The following MAGI2 variants were observed in gnomAD, a reference collection of about 807,000 sequenced individuals.
MAGI2 encodes the protein membrane associated guanylate kinase, WW and PDZ domain containing 2, also known as membrane-associated guanylate kinase, WW and PDZ domain-containing protein 2.
Under a neutral mutation model 133.3 loss-of-function variants are expected in MAGI2, and 35 were observed. That is an observed-to-expected ratio of 0.26 (90% confidence interval 0.20 to 0.35). MAGI2 has a LOEUF of 0.35. Ranked by LOEUF, MAGI2 falls within the 10% of genes least tolerant of loss-of-function variation. The pLI, the probability that MAGI2 is intolerant of heterozygous loss-of-function variation, is 1.00. For missense variants in MAGI2, 1,636 were observed against 1,863.4 expected, an observed-to-expected ratio of 0.88 and a Z score of 2.25; for synonymous variants, 729 against 710.6, an observed-to-expected ratio of 1.03 and a Z score of -0.41.
chr7:78,254,948 T>G (rs1037960135), intron 10 of MAGI2: 3 of 152,262 alleles, frequency 2.0e-5, no homozygotes, highest in African/African-American at 4.8e-5. Context: ...GGTAGTAGTA[T>G]TATCCCATTG....
chr7:78,354,321 C>T (rs1436915831), intron 7 of MAGI2, among the ~76,000 whole-genome samples: 1 of 152,150 alleles, frequency 6.6e-6, no homozygotes, highest in Admixed American at 6.5e-5. Context: ...CTTAATTGAA[C>T]TCCAAAAATA....
intron 2 of MAGI2, among the ~76,000 whole-genome samples, chr7:78,723,080 T>C (rs956105167): frequency 1.3e-5 from 2 of 152,176 alleles, no homozygotes; most frequent in African/African-American, 2.4e-5. Context: ...TATTAAGTTG[T>C]CTGTTAAGCA....
intron 1 of MAGI2, among the ~76,000 whole-genome samples, chr7:79,099,550 T>C (rs1376601452): frequency 2.6e-5 from 4 of 152,212 alleles, no homozygotes; most frequent in Non-Finnish European, 4.4e-5. Flanking sequence ...TCATAAGGGA[T>C]GGATGTACAG....
At chr7:79,035,191 T>A (rs1197343095) in intron 1 of MAGI2, among the ~76,000 whole-genome samples, 5 of 52,694 alleles carry the variant, frequency 9.5e-5, no homozygotes, top group African/African-American at 1.6e-4. Flanking sequence ...CAAAAAAAAG[T>A]GTGTGTGTGT....
At chr7:79,060,490 AG>A (rs1813626445) in intron 1 of MAGI2, among the ~76,000 whole-genome samples, 1 of 152,116 alleles carries the variant, frequency 6.6e-6, no homozygotes, top group Admixed American at 6.6e-5. Flanking sequence ...AAGATACATG[AG>A]GGGTTGATGG....
chr7:79,394,205 T>C (rs1424496369), intron 1 of MAGI2, among the ~76,000 whole-genome samples: 1 of 152,164 alleles, frequency 6.6e-6, no homozygotes, highest in Non-Finnish European at 1.5e-5. Flanking sequence ...CTGACATGTC[T>C]TGGGCAACTG....
intron 2 of MAGI2, among the ~76,000 whole-genome samples, chr7:78,890,820 A>G (rs1796681926): frequency 6.6e-6 from 1 of 152,152 alleles, no homozygotes; most frequent in Admixed American, 6.5e-5. Flanking sequence ...TAAAAGAACT[A>G]GAGAAGCAAG....
intron 3 of MAGI2, among the ~76,000 whole-genome samples, chr7:78,554,377 A>G (rs962910861): frequency 6.6e-6 from 1 of 152,200 alleles, no homozygotes; most frequent in African/African-American, 2.4e-5. Context: ...TGAACCTTAC[A>G]TAAATCTGAA....
At chr7:78,592,193 A>G (rs1804077179) in intron 3 of MAGI2, among the ~76,000 whole-genome samples, 1 of 152,242 alleles carries the variant, frequency 6.6e-6, no homozygotes, top group Admixed American at 6.5e-5. Flanking sequence ...CACATCTTCA[A>G]ATGGAGAGAT....
At chr7:79,376,804 A>G (rs1383213058) in intron 1 of MAGI2, among the ~76,000 whole-genome samples, 1 of 146,000 alleles carries the variant, frequency 6.8e-6, no homozygotes, top group Non-Finnish European at 1.5e-5. Context: ...GAAACCACAG[A>G]TAAGAGAGGA....
At chr7:78,885,628 A>AGTGTGTGTGTGTGTGTGTGT (rs61111430) in intron 2 of MAGI2, among the ~76,000 whole-genome samples, 336 of 148,962 alleles carry the variant, frequency 2.3e-3, no homozygotes, top group Non-Finnish European at 3.2e-3. Context: ...TGAAAGGAAT[A>AGTGTGTGTGTGTGTGTGTGT]GTGTGTGTGT....
At chr7:79,130,449 A>G (rs939763062) in intron 1 of MAGI2, among the ~76,000 whole-genome samples, 2 of 152,174 alleles carry the variant, frequency 1.3e-5, no homozygotes, top group Admixed American at 6.5e-5. Context: ...TGCAGGTGCA[A>G]TGCTGCCGCA....
At chr7:78,851,581 C>T (rs756913341) in intron 2 of MAGI2, among the ~76,000 whole-genome samples, 1 of 151,998 alleles carries the variant, frequency 6.6e-6, no homozygotes, top group Non-Finnish European at 1.5e-5. Flanking sequence ...TTCTATATGC[C>T]CTTGCTTTTT....
At chr7:78,067,369 G>A (rs1813944707) in intron 21 of MAGI2, among the ~76,000 whole-genome samples, 1 of 152,192 alleles carries the variant, frequency 6.6e-6, no homozygotes, top group Non-Finnish European at 1.5e-5. Context: ...GAAGGCTGGA[G>A]TAGAAACTGC....
intron 1 of MAGI2, among the ~76,000 whole-genome samples, chr7:79,234,488 C>G (rs1470277692): frequency 6.6e-6 from 1 of 151,832 alleles, no homozygotes; most frequent in Non-Finnish European, 1.5e-5. Flanking sequence ...GAGGCTTTCT[C>G]ATTTCTTTTT....
At chr7:78,657,862 G>T (rs1222429958) in intron 2 of MAGI2, among the ~76,000 whole-genome samples, 1 of 152,062 alleles carries the variant, frequency 6.6e-6, no homozygotes, top group Non-Finnish European at 1.5e-5. Context: ...CCCTCCAGTG[G>T]GTGACGTTAA....
intron 1 of MAGI2, among the ~76,000 whole-genome samples, chr7:79,394,581 T>G (rs183969986): frequency 5.9e-5 from 9 of 152,122 alleles, no homozygotes; most frequent in Admixed American, 1.3e-4. Context: ...TACAATGAAA[T>G]TATAAATTAG....
intron 6 of MAGI2, among the ~76,000 whole-genome samples, chr7:78,451,171 T>A (rs1788687612): frequency 6.6e-6 from 1 of 152,076 alleles, no homozygotes; most frequent in Non-Finnish European, 1.5e-5. Flanking sequence ...AGTGTTCCAG[T>A]GTTAAATATT....
intron 9 of MAGI2, among the ~76,000 whole-genome samples, chr7:78,285,198 G>A (rs1437067351): frequency 6.6e-6 from 1 of 152,036 alleles, no homozygotes; most frequent in Non-Finnish European, 1.5e-5. Context: ...CCTCCCACAT[G>A]AGAAAGTGTT....
Sources: gnomAD v4.1 joint callset for allele counts (sites outside exome capture counted in the v4.1 genomes callset) on GRCh38, gnomAD v4.1.1 for gene constraint, MANE v1.5 for transcripts, NCBI Gene and HGNC (gene_info 2026-07-23, HGNC 2026-07-21) for gene names.